GAK: variants seen among roughly 807,000 people sequenced by gnomAD.
The protein encoded by GAK is cyclin-G-associated kinase.
In GAK, 79 loss-of-function variants were observed where a neutral mutation model predicts 143.9. That is an observed-to-expected ratio of 0.55 (90% confidence interval 0.46 to 0.66). GAK has a LOEUF of 0.66. GAK is among the 30% of genes least tolerant of loss of function. The probability of loss-of-function intolerance (pLI) is 0.00; values close to 1 mark genes in which losing one functional copy is unlikely to be tolerated. For missense variants in GAK, 1,693 were observed against 1,779.7 expected, an observed-to-expected ratio of 0.95 and a Z score of 0.88; for synonymous variants, 881 against 765.5, an observed-to-expected ratio of 1.15 and a Z score of -2.49.
intron 26 of GAK, 132 bp downstream of exon 26, chr4:850,804 T>G (rs1454400165): frequency 1.0e-6 from 1 of 1,000,366 alleles, no homozygotes; most frequent in African/African-American, 1.6e-5. Context: ...GCCGGCTCCA[T>G]GTGGTACAGC....
chr4:888,712 ATGCT>A (rs1717042700), intron 11 of GAK, 131 bp downstream of exon 11: 1 of 1,030,236 alleles, frequency 9.7e-7, no homozygotes, highest in African/African-American at 1.6e-5. Flanking sequence ...GAAGCGGGTG[ATGCT>A]GTCCCACTGC....
At chr4:927,914 A>C (rs1725099918) in intron 1 of GAK, among the ~76,000 whole-genome samples, 1 of 152,342 alleles carries the variant, frequency 6.6e-6, no homozygotes, top group Non-Finnish European at 1.5e-5. Flanking sequence ...CTGGTGGCTA[A>C]GAGAACAGCA....
chr4:899,445 C>T (rs961559396), intron 5 of GAK, among the ~76,000 whole-genome samples: 2 of 151,696 alleles, frequency 1.3e-5, no homozygotes, highest in African/African-American at 2.4e-5. Context: ...CACAGGGCTC[C>T]GAGAGGGCAG....
chr4:849,371 C>T lies in GAK; in HGVS notation c.*302G>A. 1 of 457,992 alleles carries T rather than the reference C, an allele frequency of 2.2e-6. No homozygotes were observed. Among genetic ancestry groups the T allele is most frequent in the Non-Finnish European group, 4.0e-6 (1 of 248,258 alleles). The allele number at this position is 457,992 out of a possible 1,614,324, so 28.4% of individuals were successfully genotyped here. ...GGGCCCATGAGCGCCAGCAGCGTGG[C>T]CCACCACGTGCCGGGGCTCCAGAGG... On this transcript the variant is annotated 3_prime_UTR_variant, in exon 28 of 28. Coordinates refer to ENST00000314167, the MANE Select transcript of GAK (RefSeq NM_005255.4).
chr4:905,296 C>T (rs746941931), intron 4 of GAK, among the ~76,000 whole-genome samples: 10 of 152,164 alleles, frequency 6.6e-5, no homozygotes, highest in Non-Finnish European at 1.2e-4. Flanking sequence ...TTCTTTGTTT[C>T]GCTGGGCGTT....
chr4:855,757 C>T (rs1055872015), intron 24 of GAK, among the ~76,000 whole-genome samples: 11 of 152,156 alleles, frequency 7.2e-5, no homozygotes, highest in Non-Finnish European at 5.9e-5. Flanking sequence ...GAGTTTGAGA[C>T]CAGCCTGGCC....
At chr4:851,161 G>T in intron 25 of GAK, 77 bp from the exon 26 acceptor site, 1 of 1,306,824 alleles carries the variant, frequency 7.7e-7, no homozygotes, top group Non-Finnish European at 1.1e-6. Context: ...GCAATGGCGT[G>T]ATCTCAGCTC....
In GAK at chr4:849,549, C is replaced by T. The variant is rs908414942; in HGVS notation, c.*124G>A. On this transcript the variant is annotated 3_prime_UTR_variant, in exon 28 of 28. Transcript: ENST00000314167. The stretch of plus-strand genomic sequence containing the variant: ...CTGGAACGCTGGGCGGGCGGTGACC[C>T]GGGGCTCGGAGCCCCACCCTGGCCA... The T allele has an allele frequency of 1.9e-5, 13 of 677,404 alleles. No homozygotes were observed. The highest frequency in any genetic ancestry group is 5.5e-5 in the East Asian group (2 of 36,404). 42.0% of individuals were successfully genotyped at this position (677,404 alleles called of 1,614,324 possible).
Position 849,346 on chromosome 4 carries a change from G to C in GAK, c.*327C>G. ...ATTACAAAGTGCGGTGCAAACACCA[G>C]GGCCCATGAGCGCCAGCAGCGTGGC... On this transcript the variant is annotated 3_prime_UTR_variant, in exon 28 of 28. Coordinates refer to ENST00000314167, the MANE Select transcript of GAK (RefSeq NM_005255.4). 1 of 411,488 alleles carries C rather than the reference G, an allele frequency of 2.4e-6. No individual in the cohort carries two copies. The highest frequency in any genetic ancestry group is 4.5e-6 in the Non-Finnish European group (1 of 219,964). The allele number at this position is 411,488 out of a possible 1,614,324, so 25.5% of individuals were successfully genotyped here. A position where few individuals can be genotyped will look rare whatever the true frequency, so the allele number is the denominator to read the frequency against.
chr4:872,168 G>A (rs755771754), intron 18 of GAK: 3 of 152,298 alleles, frequency 2.0e-5, no homozygotes, highest in Non-Finnish European at 4.4e-5. Context: ...TGTGATGTGT[G>A]AAAGGCCTCT....
intron 24 of GAK, among the ~76,000 whole-genome samples, chr4:856,533 A>C (rs1749272176): frequency 1.4e-5 from 2 of 141,826 alleles, no homozygotes; most frequent in South Asian, 2.4e-4. Context: ...GCTCACCACC[A>C]CAGCTGCTCA....
chr4:864,275 C>T (rs1282869852), intron 23 of GAK, among the ~76,000 whole-genome samples: 5 of 152,120 alleles, frequency 3.3e-5, no homozygotes, highest in Non-Finnish European at 5.9e-5. Flanking sequence ...GTGGGAGGAT[C>T]GCTTGAGCCC....
chr4:852,057 T>C (rs886759211), intron 24 of GAK, 83 bp from the exon 25 acceptor site: 4 of 1,190,490 alleles, frequency 3.4e-6, no homozygotes, highest in Non-Finnish European at 4.9e-6. Flanking sequence ...GCACCACGTA[T>C]ATTGGAAAAC....
chr4:903,219 G>A (rs1169912027), intron 5 of GAK, among the ~76,000 whole-genome samples: 2 of 152,210 alleles, frequency 1.3e-5, no homozygotes, highest in African/African-American at 4.8e-5. Context: ...CAGTGTGGTG[G>A]GCAGGACGGC....
chr4:901,197 C>T (rs867636958), intron 5 of GAK, among the ~76,000 whole-genome samples: 4 of 152,220 alleles, frequency 2.6e-5, no homozygotes, highest in African/African-American at 4.8e-5. Context: ...CAGGCTGAGG[C>T]GGAATGAGCC....
intron 15 of GAK, among the ~76,000 whole-genome samples, chr4:880,883 G>A (rs955339384): frequency 6.6e-5 from 10 of 152,192 alleles, no homozygotes; most frequent in Non-Finnish European, 1.5e-5. Context: ...AGACTCCCTG[G>A]TTCTCAGACG....
At position 890,567 on chromosome 4, in the gene GAK, G is replaced by A. The variant is rs759383229; in HGVS notation, c.1046C>T (p.Pro349Leu). The change falls in exon 10 of 28, where the codon CCT (proline) becomes CTT (leucine). Residue 349 changes from proline to leucine, a missense_variant. Pro to Leu is a moderately conservative substitution (Grantham distance 98). Around this residue, in one of 2 missense-constraint regions of GAK, gnomAD observed 871 missense variants for 991.0 expected, o/e 0.88. Transcript: ENST00000314167. Reference sequence around the variant, plus strand: ...GCCACTGCCAGCGGGGCCCACGGGAGGGGGTGGCCCTCGGGACAGTGTGGC... The same window carrying A: ...GCCACTGCCAGCGGGGCCCACGGGAAGGGGTGGCCCTCGGGACAGTGTGGC... ...GSATLSRGPP[P>L]PVGPAGSGYS... 30 of 1,610,742 alleles carry A rather than the reference G, an allele frequency of 1.9e-5. No individual in the cohort carries two copies. The highest frequency in any genetic ancestry group is 2.4e-5 in the Non-Finnish European group (28 of 1,179,070).
At chr4:862,877 C>G (rs566496991) in intron 23 of GAK, among the ~76,000 whole-genome samples, 1 of 152,354 alleles carries the variant, frequency 6.6e-6, no homozygotes, top group South Asian at 2.1e-4. Flanking sequence ...CAGAGACGTA[C>G]GCAGACAGTC....
chr4:888,764 C>A (rs1717052098), intron 11 of GAK, 83 bp downstream of exon 11: 1 of 1,506,542 alleles, frequency 6.6e-7, no homozygotes, highest in South Asian at 1.3e-5. Context: ...CCAGCTGTTC[C>A]ACCGCAGCCA....
Sources: allele counts gnomAD v4.1 joint callset (sites outside exome capture counted in the v4.1 genomes callset), GRCh38; gene constraint gnomAD v4.1.1; regional missense constraint gnomAD v4.1.1; transcripts MANE v1.5; gene names NCBI Gene and HGNC (gene_info 2026-07-23, HGNC 2026-07-21).